The following DCC variants were observed in gnomAD, a reference collection of about 807,000 sequenced individuals.
DCC encodes DCC netrin 1 receptor.
In DCC, 58 loss-of-function variants were observed where a neutral mutation model predicts 172.5. The ratio of observed to expected loss-of-function variants is 0.34; its 90% confidence interval spans 0.27 to 0.42. The LOEUF (loss-of-function observed/expected upper bound fraction) is 0.42, where lower values mean the gene tolerates loss of function less well. Ranked by LOEUF, DCC falls within the 10% of genes least tolerant of loss-of-function variation. The pLI, the probability that DCC is intolerant of heterozygous loss-of-function variation, is 1.00. For missense variants in DCC, 1,740 were observed against 1,791.0 expected (o/e 0.97, Z 0.51); for synonymous variants, 709 against 644.5 (o/e 1.10, Z -1.52).
At position 53,062,425 on chromosome 18, in the gene DCC, T is replaced by C. The variant is rs73465115; in HGVS notation, c.986-880T>C. 1.5e-3 allele frequency among the ~76,000 whole-genome samples: 226 copies of C among 152,256 alleles called. 2 individuals are homozygous for C. Among genetic ancestry groups the C allele is most frequent in the African/African-American group, 5.3e-3 (219 of 41,578 alleles). Reference sequence around the variant, plus strand: ...ACTAAAAATACCTATCCATTTTCTATGTGAAACAGATCACGGCTGCTACTT... The same window carrying C: ...ACTAAAAATACCTATCCATTTTCTACGTGAAACAGATCACGGCTGCTACTT... On this transcript the variant is annotated intron_variant, in intron 5 of 28. Coordinates refer to ENST00000442544, the MANE Select transcript of DCC (RefSeq NM_005215.4).
chr18:52,552,397 A>G (rs1392850910), intron 1 of DCC, among the ~76,000 whole-genome samples: 1 of 152,062 alleles, frequency 6.6e-6, no homozygotes, highest in African/African-American at 2.4e-5. Context: ...TTGAGGATAC[A>G]GTTTTAAAGG....
chr18:52,652,801 A>G (rs1300222502), intron 1 of DCC, among the ~76,000 whole-genome samples: 4 of 150,638 alleles, frequency 2.7e-5, no homozygotes, highest in Non-Finnish European at 5.9e-5. Context: ...GAAAATCCTC[A>G]TCAGTTTCTT....
intron 15 of DCC, among the ~76,000 whole-genome samples, chr18:53,364,737 C>G (rs919075535): frequency 6.6e-6 from 1 of 151,934 alleles, no homozygotes; most frequent in Non-Finnish European, 1.5e-5. Context: ...CTTATTTATC[C>G]CCTGGCTTTC....
At chr18:52,640,647 T>C (rs2034872537) in intron 1 of DCC, among the ~76,000 whole-genome samples, 1 of 151,640 alleles carries the variant, frequency 6.6e-6, no homozygotes, top group Admixed American at 6.6e-5. Flanking sequence ...CTTAGGAATA[T>C]ACCTAACCAA....
intron 1 of DCC, among the ~76,000 whole-genome samples, chr18:52,421,199 C>T (rs1383282524): frequency 6.6e-6 from 1 of 152,082 alleles, no homozygotes; most frequent in Non-Finnish European, 1.5e-5. Context: ...AATGCTAATG[C>T]AAATAGCCCA....
rs1348074115 is a variant in DCC, at chr18:52,528,164, G to GCAAAA, written c.91+187302_91+187306dup. ...GGAGCATGAGTTAGGTTGACCTCTT[G>GCAAAA]CAAAACAAAACAAAACAAAAACAAC... is the stretch of plus-strand genomic sequence containing the variant. On this transcript the variant is annotated intron_variant, in intron 1 of 28. Transcript: ENST00000442544. Among the ~76,000 whole-genome samples the GCAAAA allele has an allele frequency of 3.9e-5, 6 of 152,216 alleles. No individual in the cohort carries two copies. In the East Asian group the frequency reaches 7.7e-4, roughly 20 times the overall value.
At position 53,364,237 on chromosome 18, in the gene DCC, G is replaced by A. The variant is rs906545942; in HGVS notation, c.2360-21806G>A. 7.2e-5 allele frequency among the ~76,000 whole-genome samples: 11 copies of A among 152,040 alleles called. No homozygotes were observed. The South Asian group carries it at 8.3e-4, about 11-fold the overall frequency. On this transcript the variant is annotated intron_variant, in intron 15 of 28. Transcript: ENST00000442544. ...CTCTCCAGTCCTCAATTTCCACACC[G>A]TCAAATTAGGGATGGAAATAAGATT...
At chr18:53,275,183 G>T (rs566459466) in intron 12 of DCC, among the ~76,000 whole-genome samples, 1 of 152,084 alleles carries the variant, frequency 6.6e-6, no homozygotes, top group Non-Finnish European at 1.5e-5. Flanking sequence ...CCCATCTTAA[G>T]AGATAAAACA....
intron 1 of DCC, among the ~76,000 whole-genome samples, chr18:52,452,606 C>T (rs908746133): frequency 1.3e-5 from 2 of 152,126 alleles, no homozygotes; most frequent in Admixed American, 6.6e-5. Flanking sequence ...CGTGAGCTGC[C>T]GTTGTTGCCA....
intron 25 of DCC, chr18:53,480,792 T>C (rs569260618): frequency 6.6e-6 from 1 of 152,296 alleles, no homozygotes; most frequent in South Asian, 2.1e-4. Context: ...CTTCAACGTG[T>C]AGCTATTATC....
intron 1 of DCC, among the ~76,000 whole-genome samples, chr18:52,648,059 G>C (rs891848952): frequency 6.6e-6 from 1 of 152,216 alleles, no homozygotes; most frequent in Non-Finnish European, 1.5e-5. Flanking sequence ...TGTTCAAAGG[G>C]AAGAGAAAAG....
intron 2 of DCC, among the ~76,000 whole-genome samples, chr18:52,818,793 T>A (rs954466180): frequency 6.6e-6 from 1 of 152,166 alleles, no homozygotes; most frequent in South Asian, 2.1e-4. Context: ...ACAGATAAAT[T>A]GAAAGAGTAA....
chr18:52,427,657 C>T (rs982386956), intron 1 of DCC, among the ~76,000 whole-genome samples: 1 of 152,138 alleles, frequency 6.6e-6, no homozygotes, highest in Non-Finnish European at 1.5e-5. Context: ...ATAAGGCCCC[C>T]TGAAGGTGAT....
chr18:52,622,599 C>T (rs1216857110), intron 1 of DCC, among the ~76,000 whole-genome samples: 1 of 152,132 alleles, frequency 6.6e-6, no homozygotes, highest in African/African-American at 2.4e-5. Context: ...TAAACACTTC[C>T]TTCACCCCAA....
chr18:53,195,092 T>C (rs891300859), intron 9 of DCC, among the ~76,000 whole-genome samples: 28 of 152,186 alleles, frequency 1.8e-4, no homozygotes, highest in Admixed American at 1.6e-3. Context: ...GAGAAAATGA[T>C]GCTCTGAGTA....
chr18:52,490,192 A>G (rs1029005440), intron 1 of DCC, among the ~76,000 whole-genome samples: 18 of 152,114 alleles, frequency 1.2e-4, no homozygotes, highest in African/African-American at 3.1e-4. Flanking sequence ...ATACTAATAG[A>G]CCTGGCAATT....
intron 2 of DCC, among the ~76,000 whole-genome samples, chr18:52,894,849 C>A (rs1311790321): frequency 1.3e-5 from 2 of 152,148 alleles, no homozygotes; most frequent in Non-Finnish European, 2.9e-5. Context: ...CTGGGGAAGA[C>A]ATTGTTTTAT....
At chr18:52,708,349 G>A (rs970882644) in intron 1 of DCC, among the ~76,000 whole-genome samples, 1 of 151,814 alleles carries the variant, frequency 6.6e-6, no homozygotes, top group African/African-American at 2.4e-5. Context: ...GGCTGAGGCA[G>A]GAGAATGGCG....
chr18:53,068,195 A>G (rs1478867783), intron 7 of DCC, among the ~76,000 whole-genome samples: 2 of 152,114 alleles, frequency 1.3e-5, no homozygotes, highest in Non-Finnish European at 2.9e-5. Flanking sequence ...TGAACTAGTA[A>G]TGCATAAGTA....
Sources: gnomAD v4.1 joint callset for allele counts (sites outside exome capture counted in the v4.1 genomes callset) on GRCh38, gnomAD v4.1.1 for gene constraint, MANE v1.5 for transcripts, NCBI Gene and HGNC (gene_info 2026-07-23, HGNC 2026-07-21) for gene names.